GABRG3: variants seen among roughly 807,000 people sequenced by gnomAD.
GABRG3 encodes the protein gamma-aminobutyric acid receptor subunit gamma-3.
GABRG3 carries 25 observed loss-of-function variants against 48.8 expected under a neutral mutation model. The ratio of observed to expected loss-of-function variants is 0.51; its 90% confidence interval spans 0.37 to 0.72. The LOEUF (loss-of-function observed/expected upper bound fraction) is 0.72. GABRG3 is among the 30% of genes least tolerant of loss of function. GABRG3 has a pLI of 0.00. For synonymous variants in GABRG3, 227 were observed against 217.6 expected, an observed-to-expected ratio of 1.04 and a Z score of -0.38; for missense variants, 394 against 577.9, an observed-to-expected ratio of 0.68 and a Z score of 3.26.
At chr15:27,083,302 G>A (rs184979806) in intron 3 of GABRG3, among the ~76,000 whole-genome samples, 11 of 151,354 alleles carry the variant, frequency 7.3e-5, no homozygotes, top group African/African-American at 1.2e-4. Context: ...CATCTGAACC[G>A]ACAAGTGGTA....
chr15:27,398,462 T>C (rs1887380957), intron 5 of GABRG3, among the ~76,000 whole-genome samples: 1 of 152,236 alleles, frequency 6.6e-6, no homozygotes, highest in Non-Finnish European at 1.5e-5. Flanking sequence ...TGTTTTTGTG[T>C]GTGCATGTGT....
At chr15:27,455,833 G>A (rs1889259538) in intron 5 of GABRG3, among the ~76,000 whole-genome samples, 1 of 152,082 alleles carries the variant, frequency 6.6e-6, no homozygotes, top group Admixed American at 6.6e-5. Flanking sequence ...TTGTGAGTGT[G>A]TGTGATGTGT....
intron 2 of GABRG3, among the ~76,000 whole-genome samples, chr15:27,004,025 G>A (rs985030721): frequency 6.7e-6 from 1 of 149,562 alleles, no homozygotes; most frequent in African/African-American, 2.5e-5. Flanking sequence ...GTCCGGGCGG[G>A]GGGCTGAACC....
intron 3 of GABRG3, among the ~76,000 whole-genome samples, chr15:27,299,897 GAA>G (rs1173554986): frequency 6.6e-6 from 1 of 152,128 alleles, no homozygotes; most frequent in Non-Finnish European, 1.5e-5. Context: ...CTTGCAGAAA[GAA>G]AAGAGGTCAA....
At chr15:27,020,946 A>C (rs956724478) in intron 2 of GABRG3, among the ~76,000 whole-genome samples, 7 of 152,218 alleles carry the variant, frequency 4.6e-5, no homozygotes, top group Admixed American at 3.9e-4. Context: ...ACATTTAAAA[A>C]TTATTCTCTT....
At position 27,527,997 on chromosome 15, in the gene GABRG3, G is replaced by T; in HGVS notation, c.1122+5G>T. 1 of 1,588,444 alleles carries T rather than the reference G, an allele frequency of 6.3e-7. No individual in the cohort carries two copies. The highest frequency in any genetic ancestry group is 1.7e-5 in the Admixed American group (1 of 57,408). ...ATAAGCCTACAAGCCCCTTCCGTAC[G>T]TATAGCATTGCAGGTGCCAATATTT... is the stretch of plus-strand genomic sequence containing the variant. On this transcript the variant is annotated splice_donor_5th_base_variant and intron_variant, in intron 9 of 9. Coordinates refer to ENST00000615808, the MANE Select transcript of GABRG3 (RefSeq NM_033223.5).
At chr15:27,065,095 G>C (rs896706452) in intron 3 of GABRG3, among the ~76,000 whole-genome samples, 2 of 152,134 alleles carry the variant, frequency 1.3e-5, no homozygotes, top group Admixed American at 6.5e-5. Flanking sequence ...TTGCTTCCTT[G>C]GCAGCTGGTG....
At chr15:27,377,493 A>C (rs951675351) in intron 5 of GABRG3, among the ~76,000 whole-genome samples, 2 of 152,234 alleles carry the variant, frequency 1.3e-5, no homozygotes, top group African/African-American at 4.8e-5. Context: ...GAGGCCTCAC[A>C]ATCCTGGCAG....
At chr15:27,248,833 G>GAA (rs1890356265) in intron 3 of GABRG3, among the ~76,000 whole-genome samples, 1 of 149,518 alleles carries the variant, frequency 6.7e-6, no homozygotes, top group East Asian at 2.0e-4. Context: ...GAGAGAGAGA[G>GAA]AGACAGAGAG....
At chr15:27,363,919 C>G (rs941969876) in intron 5 of GABRG3, 1 of 152,176 alleles carries the variant, frequency 6.6e-6, no homozygotes. Flanking sequence ...TGATCCGTGG[C>G]CTGCCCTCTG....
chr15:27,073,306 G>A (rs1896857693), intron 3 of GABRG3, among the ~76,000 whole-genome samples: 1 of 152,252 alleles, frequency 6.6e-6, no homozygotes, highest in Non-Finnish European at 1.5e-5. Flanking sequence ...CTGTACTTCT[G>A]CAAGGTCTTT....
At chr15:27,235,077 C>G (rs571981928) in intron 3 of GABRG3, among the ~76,000 whole-genome samples, 2 of 152,284 alleles carry the variant, frequency 1.3e-5, no homozygotes, top group South Asian at 4.1e-4. Context: ...CCTTAATACC[C>G]TTAAGGAATC....
chr15:27,024,154 G>T (rs2140680111), intron 2 of GABRG3, among the ~76,000 whole-genome samples: 1 of 152,164 alleles, frequency 6.6e-6, no homozygotes, highest in Non-Finnish European at 1.5e-5. Context: ...TTTAAATCAG[G>T]TTAGTTTGTT....
Position 27,343,566 on chromosome 15 carries a change from G to A in GABRG3, c.574+14678G>A, listed in dbSNP as rs143320780. ...TTCGATCACAGTAGGTGCTTAATAG[G>A]TATTTATATGTGTAGGTGGCTGTCT... On this transcript the variant is annotated intron_variant, in intron 5 of 9. Coordinates refer to ENST00000615808, the MANE Select transcript of GABRG3 (RefSeq NM_033223.5). Among the ~76,000 whole-genome samples, 1,061 of 152,294 alleles carry A rather than the reference G, an allele frequency of 7.0e-3. 10 individuals carry two copies. Among genetic ancestry groups the A allele is most frequent in the Non-Finnish European group, 7.8e-3 (529 of 68,012 alleles).
intron 3 of GABRG3, among the ~76,000 whole-genome samples, chr15:27,109,063 A>T (rs113007559): frequency 1.5e-3 from 222 of 152,328 alleles, no homozygotes; most frequent in African/African-American, 5.2e-3. Context: ...GTATGTATGT[A>T]CCAGAGTTTA....
chr15:27,209,140 C>G lies in GABRG3; in HGVS notation c.271-117669C>G, dbSNP rs151236570. On this transcript the variant is annotated intron_variant, in intron 3 of 9. Coordinates refer to ENST00000615808, the MANE Select transcript of GABRG3 (RefSeq NM_033223.5). Reference sequence around the variant, plus strand: ...TCTGCGAGGGATTTTGGAACATTTGCATCATTGTCCTGATCATTGGCCATC... The same window carrying G: ...TCTGCGAGGGATTTTGGAACATTTGGATCATTGTCCTGATCATTGGCCATC... 2.5e-3 allele frequency among the ~76,000 whole-genome samples: 377 copies of G among 152,272 alleles called. 3 individuals are homozygous for G. Among genetic ancestry groups the G allele is most frequent in the African/African-American group, 8.8e-3 (365 of 41,564 alleles).
intron 5 of GABRG3, among the ~76,000 whole-genome samples, chr15:27,415,711 TGA>T (rs766244313): frequency 1.3e-5 from 2 of 152,186 alleles, no homozygotes; most frequent in Non-Finnish European, 2.9e-5. Context: ...CTTCCATAGC[TGA>T]GTCTCATTCT....
intron 3 of GABRG3, among the ~76,000 whole-genome samples, chr15:27,145,540 T>G (rs929901496): frequency 6.6e-6 from 1 of 151,710 alleles, no homozygotes; most frequent in Non-Finnish European, 1.5e-5. Context: ...TGAAGAAAAG[T>G]CAACAGTCTC....
chr15:27,142,147 A>G (rs1898115380), intron 3 of GABRG3, among the ~76,000 whole-genome samples: 2 of 152,380 alleles, frequency 1.3e-5, no homozygotes, highest in South Asian at 2.1e-4. Context: ...AACTCATTAT[A>G]TAAAATCTGT....
Sources: gnomAD v4.1 joint callset for allele counts (sites outside exome capture counted in the v4.1 genomes callset) on GRCh38, gnomAD v4.1.1 for gene constraint, MANE v1.5 for transcripts, NCBI Gene and HGNC (gene_info 2026-07-23, HGNC 2026-07-21) for gene names.